The following TRAF3IP2 variants were observed in gnomAD, a reference collection of about 807,000 sequenced individuals.
TRAF3IP2 encodes TRAF3 interacting protein 2, also known as E3 ubiquitin ligase TRAF3IP2.
Under a neutral mutation model 57.9 loss-of-function variants are expected in TRAF3IP2, and 35 were observed. The ratio of observed to expected loss-of-function variants is 0.60; its 90% CI spans 0.46 to 0.80. TRAF3IP2 has a LOEUF of 0.80. Ranked by LOEUF, TRAF3IP2 falls within the 30% of genes least tolerant of loss-of-function variation. The pLI is 0.00. For missense variants in TRAF3IP2, 556 were observed against 706.4 expected (o/e 0.79, Z 2.41); for synonymous variants, 251 against 268.9 (o/e 0.93, Z 0.65).
chr6:111,580,857 C>A (rs575034870), intron 2 of TRAF3IP2, among the ~76,000 whole-genome samples: 1 of 152,170 alleles, frequency 6.6e-6, no homozygotes, highest in African/African-American at 2.4e-5. Context: ...TGCACACACA[C>A]GTGCGCGCAC....
chr6:111,579,130 ACTAGC>A lies in TRAF3IP2; in HGVS notation c.1022+1062_1022+1066del, dbSNP rs1444554889. Among the ~76,000 whole-genome samples, 7 of 151,812 alleles carry A rather than the reference ACTAGC, an allele frequency of 4.6e-5. No homozygotes were observed. The East Asian group carries it at 1.4e-3, about 29-fold the overall frequency. On this transcript the variant is annotated intron_variant, in intron 3 of 8. Coordinates refer to ENST00000368761, the MANE Select transcript of TRAF3IP2 (RefSeq NM_147686.4). ...CAGATCACAAGGTCATGAGTTCGAG[ACTAGC>A]CTGGCCTATATGGTGAAACCCCGTG...
At chr6:111,598,221 G>A (rs60962769) in intron 1 of TRAF3IP2, 15,709 of 196,370 alleles carry the variant, frequency 0.08, 733 homozygotes, top group African/African-American at 0.14. Context: ...AAGTCTCACA[G>A]GTAAACAGGT....
chr6:111,569,042 A>T (rs1172168181), intron 5 of TRAF3IP2, among the ~76,000 whole-genome samples: 1 of 152,226 alleles, frequency 6.6e-6, no homozygotes. Context: ...CCCTGTGTAT[A>T]CCGAACTATC....
chr6:111,597,743 G>A, intron 1 of TRAF3IP2: 1 of 432,648 alleles, frequency 2.3e-6, no homozygotes, highest in Non-Finnish European at 4.6e-6. Flanking sequence ...GTGAGTCCTG[G>A]GGACATATAA....
chr6:111,592,230 A>G (rs1583240995), intron 1 of TRAF3IP2, 136 bp from the exon 2 acceptor site: 2 of 749,832 alleles, frequency 2.7e-6, no homozygotes, highest in East Asian at 2.5e-5. Flanking sequence ...GCAAAGCCCT[A>G]ATCACATAAA....
Position 111,591,939 on chromosome 6 carries a change from G to T in TRAF3IP2, c.148C>A (p.Pro50Thr). The T allele has an allele frequency of 6.2e-7, 1 of 1,614,228 alleles. No individual in the cohort carries two copies. The highest frequency in any genetic ancestry group is 8.5e-7 in the Non-Finnish European group (1 of 1,180,044). ...RNMAPNSLSAPTMLHNSSGDF... is the reference protein window; with the variant it reads ...RNMAPNSLSATTMLHNSSGDF... ...CCGGAGGAATTGTGAAGCATTGTGG[G>T]TGCAGACAAGCTGTTGGGTGCCATG... Residue 50 changes from proline to threonine, a missense_variant, in exon 2 of 9, where the codon CCC becomes ACC. Transcript: ENST00000368761. This position sits in a 1 kb window ranked among gnomAD's most constrained non-coding sequence, Gnocchi z 4.9.
chr6:111,563,933 A>G (rs1277365956), intron 7 of TRAF3IP2, among the ~76,000 whole-genome samples: 1 of 152,226 alleles, frequency 6.6e-6, no homozygotes, highest in Non-Finnish European at 1.5e-5. Flanking sequence ...GAGGGGAGTT[A>G]GAGTCTTCCA....
At position 111,591,183 on chromosome 6, in the gene TRAF3IP2, C is replaced by T. The variant is rs761553416; in HGVS notation, c.829+75G>A. 195 of 1,199,696 alleles carry T rather than the reference C, an allele frequency of 1.6e-4. No individual in the cohort carries two copies. The highest frequency in any genetic ancestry group is 2.6e-4 in the African/African-American group (17 of 66,222). 74.3% of individuals were successfully genotyped at this position (1,199,696 alleles called of 1,614,324 possible). A position where few individuals can be genotyped will look rare whatever the true frequency, so the allele number is the denominator to read the frequency against. On this transcript the variant is annotated intron_variant, in intron 2 of 8. Transcript: ENST00000368761. The surrounding 1 kb of genome is among the most constrained non-coding windows in gnomAD (Gnocchi z 4.9). ...ACCTGTTCATGCCAGCCTAGTGACA[C>T]GAAGCATTGATGTGAGGCCCTTGTT...
chr6:111,597,757 G>A, intron 1 of TRAF3IP2: 1 of 442,908 alleles, frequency 2.3e-6, no homozygotes, highest in Non-Finnish European at 4.5e-6. Context: ...CATATAACTG[G>A]ATGGAACAGC....
chr6:111,591,296 T>TCG lies in TRAF3IP2; in HGVS notation c.790_791insCG (p.His264ProfsTer27), dbSNP rs768678574. The TCG allele has an allele frequency of 2.0e-6, 3 of 1,509,086 alleles. No homozygotes were observed. 93.5% of individuals were successfully genotyped at this position (1,509,086 alleles called of 1,614,324 possible). A position where few individuals can be genotyped will look rare whatever the true frequency, so the allele number is the denominator to read the frequency against. ...ATCGGGACTTCCAGGACAATGGTAATGATAGTTCCATGGAGCATGTGGGGA... is the reference window on the plus strand; with the variant it reads ...ATCGGGACTTCCAGGACAATGGTAATCGGATAGTTCCATGGAGCATGTGGGGA... On this transcript the variant is annotated frameshift_variant, in exon 2 of 9. Transcript: ENST00000368761. LOFTEE classifies it high-confidence loss of function. This position sits in a 1 kb window ranked among gnomAD's most constrained non-coding sequence, Gnocchi z 4.9.
intron 1 of TRAF3IP2, among the ~76,000 whole-genome samples, chr6:111,594,834 A>C (rs1796629664): frequency 6.6e-6 from 1 of 152,140 alleles, no homozygotes; most frequent in African/African-American, 2.4e-5. Flanking sequence ...AGGTCACTTG[A>C]GCCCTGGAGG....
chr6:111,581,752 C>G (rs1483235126), intron 2 of TRAF3IP2, among the ~76,000 whole-genome samples: 1 of 152,044 alleles, frequency 6.6e-6, no homozygotes, highest in African/African-American at 2.4e-5. Flanking sequence ...CCGAGGCAGA[C>G]AGATCACCTG....
intron 7 of TRAF3IP2, among the ~76,000 whole-genome samples, chr6:111,564,721 G>T (rs180889867): frequency 6.6e-6 from 1 of 152,186 alleles, no homozygotes; most frequent in Non-Finnish European, 1.5e-5. Context: ...CAAGTTTGGC[G>T]ACAGTTTGGT....
intron 3 of TRAF3IP2, among the ~76,000 whole-genome samples, chr6:111,578,257 A>T (rs187171770): frequency 6.6e-6 from 1 of 152,302 alleles, no homozygotes; most frequent in Non-Finnish European, 1.5e-5. Context: ...GGAATTTTAG[A>T]TATTTCTTCT....
Position 111,566,575 on chromosome 6 carries a change from G to A in TRAF3IP2, c.1360-15C>T. 1 of 1,606,642 alleles carries A rather than the reference G, an allele frequency of 6.2e-7. No individual in the cohort carries two copies. The highest frequency in any genetic ancestry group is 8.5e-7 in the Non-Finnish European group (1 of 1,173,174). ...ATCACGGTCTTCTGTTAATGAGAGG[G>A]AGAAAGGCATGTTTATGGAAGTGTA... On this transcript the variant is annotated splice_polypyrimidine_tract_variant and intron_variant, in intron 6 of 8. Transcript: ENST00000368761.
chr6:111,584,633 C>CA lies in TRAF3IP2; in HGVS notation c.830-4245dup, dbSNP rs1476005241. ...GCAACAAGGTGAAATCCCATCTCTACAAAAAAATACCAAAAAAAAAAAAGA... is the reference window on the plus strand; with the variant it reads ...GCAACAAGGTGAAATCCCATCTCTACAAAAAAAATACCAAAAAAAAAAAAGA... On this transcript the variant is annotated intron_variant, in intron 2 of 8. Transcript: ENST00000368761. Among the ~76,000 whole-genome samples the CA allele has an allele frequency of 8.2e-5, 11 of 134,498 alleles. No homozygotes were observed. In the South Asian group the frequency reaches 1.4e-3, roughly 17 times the overall value. The allele number at this position is 134,498 out of a possible 152,430, so 88.2% of individuals were successfully genotyped here.
In TRAF3IP2 at chr6:111,591,510, G is replaced by C; in HGVS notation, c.577C>G (p.Pro193Ala). The C allele has an allele frequency of 6.2e-7, 1 of 1,612,124 alleles. No individual in the cohort carries two copies. The highest frequency in any genetic ancestry group is 8.5e-7 in the Non-Finnish European group (1 of 1,178,426). ...PHRNRAGLDLPTIDTGYDSQP... is the reference protein window; with the variant it reads ...PHRNRAGLDLATIDTGYDSQP... ...GAATCATATCCCGTGTCTATGGTTGGCAGATCCAGGCCTGCTCGGTTCCTG... is the reference window on the plus strand; with the variant it reads ...GAATCATATCCCGTGTCTATGGTTGCCAGATCCAGGCCTGCTCGGTTCCTG... Residue 193 changes from proline to alanine, a missense_variant, in exon 2 of 9, where the codon CCA becomes GCA. By Grantham distance (27) the Pro-to-Ala change is conservative. Coordinates refer to ENST00000368761, the MANE Select transcript of TRAF3IP2 (RefSeq NM_147686.4). This position sits in a 1 kb window ranked among gnomAD's most constrained non-coding sequence, Gnocchi z 4.9.
chr6:111,594,676 G>A (rs117598088), intron 1 of TRAF3IP2, among the ~76,000 whole-genome samples: 2,120 of 152,206 alleles, frequency 0.014, 23 homozygotes, highest in Non-Finnish European at 0.024. Context: ...GCACTTTGCA[G>A]GCTGAGGCAG....
intron 2 of TRAF3IP2, among the ~76,000 whole-genome samples, chr6:111,590,114 T>A (rs1366606536): frequency 6.6e-6 from 1 of 152,240 alleles, no homozygotes; most frequent in East Asian, 1.9e-4. Flanking sequence ...TAGAACCTTT[T>A]ATCTCAACCT....
Sources: allele counts gnomAD v4.1 joint callset (sites outside exome capture counted in the v4.1 genomes callset), GRCh38; gene constraint gnomAD v4.1.1; non-coding constraint Gnocchi (gnomAD v3.1); transcripts MANE v1.5; gene names NCBI Gene and HGNC (gene_info 2026-07-23, HGNC 2026-07-21).